Variants in PCSK5 observed in about 807,000 individuals in gnomAD.
The protein encoded by PCSK5 is prohormone convertase 5.
Under a neutral mutation model 233.2 loss-of-function variants are expected in PCSK5, and 129 were observed. That is an observed-to-expected ratio of 0.55 (90% CI 0.48 to 0.64). The LOEUF (loss-of-function observed/expected upper bound fraction) is 0.64. Among genes scored for constraint, PCSK5 ranks in the 30% least tolerant of loss-of-function variants. PCSK5 has a pLI of 0.00. For synonymous variants in PCSK5, 825 were observed against 879.2 expected (o/e 0.94, Z 1.09); for missense variants, 2,076 against 2,430.1 (o/e 0.85, Z 3.06).
intron 2 of PCSK5, among the ~76,000 whole-genome samples, chr9:75,960,702 C>G (rs1825313271): frequency 6.6e-6 from 1 of 152,202 alleles, no homozygotes; most frequent in African/African-American, 2.4e-5. Context: ...CATCGGCTCT[C>G]CTTCGTGCTC....
At chr9:76,311,234 G>A (rs1335899883) in intron 30 of PCSK5, among the ~76,000 whole-genome samples, 3 of 152,030 alleles carry the variant, frequency 2.0e-5, no homozygotes, top group Non-Finnish European at 4.4e-5. Context: ...AGTGGGTGCT[G>A]TAGTCCCAGC....
At chr9:76,238,185 T>A (rs1473609535) in intron 22 of PCSK5, among the ~76,000 whole-genome samples, 2 of 152,232 alleles carry the variant, frequency 1.3e-5, no homozygotes, top group Non-Finnish European at 2.9e-5. Context: ...TCTAGATGCA[T>A]CAGTAGTCAT....
chr9:76,240,102 G>T (rs1052034104), intron 23 of PCSK5, among the ~76,000 whole-genome samples: 1 of 152,122 alleles, frequency 6.6e-6, no homozygotes, highest in African/African-American at 2.4e-5. Flanking sequence ...AGAATGCCAC[G>T]GACTGTTATT....
intron 33 of PCSK5, 120 bp from the exon 34 acceptor site, chr9:76,332,313 G>T (rs1829559028): frequency 1.5e-6 from 1 of 664,738 alleles, no homozygotes. Context: ...CAGCTCACAG[G>T]ATCATCCCAT....
chr9:76,358,891 A>T lies in PCSK5; in HGVS notation c.5633A>T (p.Tyr1878Phe). ...LDDDDIDELEYDDESYSYYQ is the reference protein window; with the variant it reads ...LDDDDIDELEFDDESYSYYQ Reference sequence around the variant, plus strand: ...GACGATGACATAGATGAGCTGGAATATGATGACGAGAGTTACTCCTACTAC... The same window carrying T: ...GACGATGACATAGATGAGCTGGAATTTGATGACGAGAGTTACTCCTACTAC... The change falls in exon 38 of 38, where the codon TAT becomes TTT. Residue 1878 changes from tyrosine to phenylalanine, a missense_variant. Physicochemically the swap from Tyr to Phe is conservative, Grantham distance 22. Coordinates refer to ENST00000674117, the MANE Select transcript of PCSK5 (RefSeq NM_001372043.1). 2 of 1,612,874 alleles carry T rather than the reference A, an allele frequency of 1.2e-6. No individual in the cohort carries two copies. Among genetic ancestry groups the T allele is most frequent in the Non-Finnish European group, 1.7e-6 (2 of 1,179,882 alleles).
At chr9:76,115,262 C>T (rs1431708638) in intron 9 of PCSK5, among the ~76,000 whole-genome samples, 1 of 152,062 alleles carries the variant, frequency 6.6e-6, no homozygotes, top group African/African-American at 2.4e-5. Context: ...TCCTTGGGTA[C>T]ACCAGCCTCC....
At chr9:75,950,387 T>C (rs1378683719) in intron 2 of PCSK5, among the ~76,000 whole-genome samples, 1 of 152,178 alleles carries the variant, frequency 6.6e-6, no homozygotes, top group Non-Finnish European at 1.5e-5. Context: ...AGGCTTATGT[T>C]AAAATTCAAG....
rs185869619 is a variant in PCSK5, at chr9:75,927,098, A to G, written c.193-5281A>G. ...CTATTAGCAATATATGAGAATTCTC[A>G]TGCCCCACAATCTCATTAAAACTTG... On this transcript the variant is annotated intron_variant, in intron 1 of 37. Transcript: ENST00000674117. Among the ~76,000 whole-genome samples, 258 of 152,312 alleles carry G rather than the reference A, an allele frequency of 1.7e-3. 2 individuals carry two copies. The highest frequency in any genetic ancestry group is 6.8e-3 in the Middle Eastern group (2 of 294).
At chr9:76,333,602 T>C (rs61250735) in intron 34 of PCSK5, among the ~76,000 whole-genome samples, 34,947 of 152,108 alleles carry the variant, frequency 0.23, 4,177 homozygotes, top group Non-Finnish European at 0.26. Context: ...TGCCAGCATA[T>C]CCTTTTTCTC....
chr9:76,323,135 G>A lies in PCSK5; in HGVS notation c.4186G>A (p.Val1396Ile). 6.2e-7 allele frequency: 1 copy of A among 1,612,274 alleles called. No homozygotes were observed. The highest frequency in any genetic ancestry group is 8.5e-7 in the Non-Finnish European group (1 of 1,179,556). The change falls in exon 32 of 38, where the codon GTC (valine) becomes ATC (isoleucine). Residue 1396 changes from valine to isoleucine, a missense_variant. Coordinates refer to ENST00000674117, the MANE Select transcript of PCSK5 (RefSeq NM_001372043.1). Reference sequence around the variant, plus strand: ...CTTCTATGCAGACTCGCGCCACTGTGTCCCCTGCCATAAAGACTGTCTGGA... The same window carrying A: ...CTTCTATGCAGACTCGCGCCACTGTATCCCCTGCCATAAAGACTGTCTGGA... ...RGFYADSRHC[V>I]PCHKDCLECS...
At chr9:76,005,025 T>C (rs1230491184) in intron 3 of PCSK5, among the ~76,000 whole-genome samples, 1 of 152,216 alleles carries the variant, frequency 6.6e-6, no homozygotes, top group Non-Finnish European at 1.5e-5. Flanking sequence ...TGCAATTCCA[T>C]ACCACAGGTT....
intron 20 of PCSK5, among the ~76,000 whole-genome samples, chr9:76,210,731 TG>T (rs1825296893): frequency 6.6e-6 from 1 of 152,138 alleles, no homozygotes; most frequent in Non-Finnish European, 1.5e-5. Context: ...ATGACAGAAT[TG>T]GCGTGGGGGG....
intron 3 of PCSK5, among the ~76,000 whole-genome samples, chr9:76,005,695 C>G (rs950793202): frequency 6.6e-6 from 1 of 152,152 alleles, no homozygotes; most frequent in African/African-American, 2.4e-5. Context: ...GGATAAGTTC[C>G]TGGCAGTAGA....
chr9:76,243,948 G>A (rs1826504070), intron 24 of PCSK5, among the ~76,000 whole-genome samples: 1 of 152,222 alleles, frequency 6.6e-6, no homozygotes, highest in African/African-American at 2.4e-5. Context: ...TTTTGGCCAA[G>A]TGCAATGGCT....
At chr9:76,053,231 T>TGG (rs963019147) in intron 5 of PCSK5, among the ~76,000 whole-genome samples, 1 of 152,086 alleles carries the variant, frequency 6.6e-6, no homozygotes, top group African/African-American at 2.4e-5. Context: ...GACACTCTTT[T>TGG]GGGGGGGCTC....
chr9:76,213,329 T>G (rs1442035901), intron 20 of PCSK5, among the ~76,000 whole-genome samples: 1 of 152,226 alleles, frequency 6.6e-6, no homozygotes, highest in Admixed American at 6.5e-5. Context: ...GAGTTCTTCT[T>G]CCTTTTCGGT....
intron 3 of PCSK5, among the ~76,000 whole-genome samples, chr9:76,020,231 T>A (rs568767018): frequency 6.6e-6 from 1 of 152,308 alleles, no homozygotes; most frequent in East Asian, 1.9e-4. Flanking sequence ...GTCAAATAAA[T>A]AGGGCCTAGT....
At chr9:76,136,625 A>G (rs1468183626) in intron 10 of PCSK5, among the ~76,000 whole-genome samples, 1 of 152,078 alleles carries the variant, frequency 6.6e-6, no homozygotes, top group African/African-American at 2.4e-5. Flanking sequence ...AACACTGAGT[A>G]AAATATATGT....
chr9:76,049,589 C>A (rs1366183014), intron 5 of PCSK5, among the ~76,000 whole-genome samples: 1 of 152,176 alleles, frequency 6.6e-6, no homozygotes, highest in East Asian at 1.9e-4. Context: ...TGCAGAATAA[C>A]CCTGGGACAA....
Sources: gnomAD v4.1 joint callset for allele counts (sites outside exome capture counted in the v4.1 genomes callset) on GRCh38, gnomAD v4.1.1 for gene constraint, MANE v1.5 for transcripts, NCBI Gene and HGNC (gene_info 2026-07-23, HGNC 2026-07-21) for gene names.